AGBL4: variants seen among roughly 807,000 people sequenced by gnomAD.
AGBL4 encodes AGBL carboxypeptidase 4.
In AGBL4, 58 loss-of-function variants were observed where a neutral mutation model predicts 66.4. The observed-to-expected ratio is 0.87, with a 90% CI of 0.71 to 1.09. The LOEUF (loss-of-function observed/expected upper bound fraction) is 1.09. Among genes scored for constraint, AGBL4 ranks in the 50% least tolerant of loss-of-function variants. AGBL4 has a pLI of 0.00. For missense variants in AGBL4, 579 were observed against 631.0 expected, an observed-to-expected ratio of 0.92 and a Z score of 0.88; for synonymous variants, 234 against 222.9, an observed-to-expected ratio of 1.05 and a Z score of -0.44.
chr1:48,632,006 G>T (rs1645601934), intron 9 of AGBL4, among the ~76,000 whole-genome samples: 2 of 152,132 alleles, frequency 1.3e-5, no homozygotes. Context: ...TATTGCAAGG[G>T]TTAGGGTTTT....
chr1:48,932,706 G>T (rs1655130166), intron 5 of AGBL4, among the ~76,000 whole-genome samples: 1 of 152,118 alleles, frequency 6.6e-6, no homozygotes, highest in Admixed American at 6.5e-5. Flanking sequence ...AGAACTGTAA[G>T]GATTTCTTAG....
At chr1:48,791,156 A>G (rs1645540474) in intron 6 of AGBL4, among the ~76,000 whole-genome samples, 1 of 152,242 alleles carries the variant, frequency 6.6e-6, no homozygotes, top group Admixed American at 6.5e-5. Flanking sequence ...CTCAGCTTCT[A>G]GTGGGCCTTA....
At chr1:49,116,921 C>T (rs768837165) in intron 4 of AGBL4, among the ~76,000 whole-genome samples, 6 of 152,042 alleles carry the variant, frequency 3.9e-5, no homozygotes, top group Non-Finnish European at 7.4e-5. Flanking sequence ...TTCTAACTGG[C>T]GTAAGATGAA....
At chr1:49,131,024 A>G (rs1645882914) in intron 4 of AGBL4, among the ~76,000 whole-genome samples, 1 of 152,178 alleles carries the variant, frequency 6.6e-6, no homozygotes, top group Non-Finnish European at 1.5e-5. Flanking sequence ...ACAAATGAAT[A>G]GATAAAAATA....
At chr1:48,879,062 G>A (rs1012807815) in intron 5 of AGBL4, among the ~76,000 whole-genome samples, 5 of 152,008 alleles carry the variant, frequency 3.3e-5, no homozygotes, top group Admixed American at 2.6e-4. Context: ...ATTGTTGCTT[G>A]AAAAATGGAA....
At chr1:48,740,984 T>A (rs1649828107) in intron 6 of AGBL4, among the ~76,000 whole-genome samples, 1 of 152,188 alleles carries the variant, frequency 6.6e-6, no homozygotes, top group South Asian at 2.1e-4. Flanking sequence ...TTTTCAAGAT[T>A]TGCTGTTCAA....
intron 5 of AGBL4, among the ~76,000 whole-genome samples, chr1:49,003,760 A>C (rs1267956990): frequency 1.3e-5 from 2 of 152,060 alleles, no homozygotes; most frequent in East Asian, 1.9e-4. Context: ...TTTTCTGGAG[A>C]GCCAGGTCCA....
At chr1:48,772,498 A>C (rs916322982) in intron 6 of AGBL4, among the ~76,000 whole-genome samples, 16 of 152,204 alleles carry the variant, frequency 1.1e-4, no homozygotes, top group Admixed American at 1.0e-3. Flanking sequence ...GTGTGTTCAC[A>C]GAAGAGTAAA....
chr1:49,373,788 A>T (rs1644416061), intron 3 of AGBL4, among the ~76,000 whole-genome samples: 1 of 152,004 alleles, frequency 6.6e-6, no homozygotes, highest in South Asian at 2.1e-4. Context: ...TATCTCCAGG[A>T]ATCTTTTTAG....
At chr1:49,291,654 G>A (rs1439224658) in intron 3 of AGBL4, among the ~76,000 whole-genome samples, 1 of 152,220 alleles carries the variant, frequency 6.6e-6, no homozygotes, top group Non-Finnish European at 1.5e-5. Flanking sequence ...ATTGGAAGAA[G>A]AAACCAGGGA....
intron 2 of AGBL4, among the ~76,000 whole-genome samples, chr1:49,754,750 CCATTAGCAGGAA>C (rs1295789318): frequency 1.3e-5 from 2 of 152,182 alleles, no homozygotes; most frequent in African/African-American, 4.8e-5. Flanking sequence ...CTCTTCAGAG[CCATTAGCAGGAA>C]CATTTAAGTC....
intron 2 of AGBL4, among the ~76,000 whole-genome samples, chr1:49,793,660 T>A (rs1044463697): frequency 1.3e-5 from 2 of 152,052 alleles, no homozygotes; most frequent in Middle Eastern, 3.4e-3. Context: ...TCATTTTTTT[T>A]AATGTCTATG....
intron 1 of AGBL4, among the ~76,000 whole-genome samples, chr1:49,987,528 A>G (rs1659596971): frequency 6.6e-6 from 1 of 152,038 alleles, no homozygotes; most frequent in African/African-American, 2.4e-5. Flanking sequence ...AGGAGAAGCT[A>G]TGTAAAATAG....
At chr1:48,954,415 T>C (rs527592307) in intron 5 of AGBL4, among the ~76,000 whole-genome samples, 13 of 152,354 alleles carry the variant, frequency 8.5e-5, no homozygotes, top group African/African-American at 2.9e-4. Context: ...TAAACACTTG[T>C]TGAATGCTAT....
intron 6 of AGBL4, among the ~76,000 whole-genome samples, chr1:48,864,668 T>A (rs563296302): frequency 6.6e-6 from 1 of 152,174 alleles, no homozygotes; most frequent in South Asian, 2.1e-4. Context: ...TAGAATGACA[T>A]TGATAGTGTG....
chr1:50,007,049 T>C (rs1248852183), intron 1 of AGBL4, among the ~76,000 whole-genome samples: 1 of 151,896 alleles, frequency 6.6e-6, no homozygotes, highest in Non-Finnish European at 1.5e-5. Flanking sequence ...AAGATATAAA[T>C]AGAAACAAAA....
At chr1:49,698,907 A>G (rs1386997280) in intron 2 of AGBL4, among the ~76,000 whole-genome samples, 9 of 152,022 alleles carry the variant, frequency 5.9e-5, no homozygotes, top group Non-Finnish European at 1.3e-4. Flanking sequence ...AATCCACCAT[A>G]TGTGTCTACA....
intron 6 of AGBL4, among the ~76,000 whole-genome samples, chr1:48,847,416 C>G (rs575694488): frequency 5.0e-5 from 7 of 139,750 alleles, no homozygotes; most frequent in Non-Finnish European, 1.1e-4. Flanking sequence ...AAAAAAAAAG[C>G]CTGTATTTTA....
chr1:48,841,629 C>G (rs1646805280), intron 6 of AGBL4, among the ~76,000 whole-genome samples: 1 of 151,810 alleles, frequency 6.6e-6, no homozygotes, highest in Non-Finnish European at 1.5e-5. Context: ...AATAAATCTA[C>G]AGAACACTAT....
Sources: allele counts gnomAD v4.1 joint callset (sites outside exome capture counted in the v4.1 genomes callset), GRCh38; gene constraint gnomAD v4.1.1; transcripts MANE v1.5; gene names NCBI Gene and HGNC (gene_info 2026-07-23, HGNC 2026-07-21).